SSH2: variants seen among roughly 807,000 people sequenced by gnomAD.
SSH2 encodes the protein protein phosphatase Slingshot homolog 2.
Under a neutral mutation model 135.2 loss-of-function variants are expected in SSH2, and 37 were observed. That is an observed-to-expected ratio of 0.27 (90% confidence interval 0.21 to 0.36). SSH2 has a LOEUF of 0.36. Ranked by LOEUF, SSH2 falls within the 10% of genes least tolerant of loss-of-function variation. The pLI, the probability that SSH2 is intolerant of heterozygous loss-of-function variation, is 1.00. For synonymous variants in SSH2, 628 were observed against 646.2 expected, an observed-to-expected ratio of 0.97 and a Z score of 0.43; for missense variants, 1,408 against 1,765.3, an observed-to-expected ratio of 0.80 and a Z score of 3.63.
rs1161276141 is a variant in SSH2, at chr17:29,632,832, G to T, written c.2362C>A (p.Gln788Lys). ...EIVTEIESIS[Q>K]GVGQIQLKGD... ...TTCAGTTGAATCTGCCCAACTCCTT[G>T]ACTGATGGACTCAATTTCAGTGACA... Residue 788 changes from glutamine (Q) to lysine (K), a missense_variant, in exon 16 of 16, where the codon CAA becomes AAA. Coordinates refer to ENST00000540801, the MANE Select transcript of SSH2 (RefSeq NM_001282129.2). 6.2e-7 allele frequency: 1 copy of T among 1,614,090 alleles called. No homozygotes were observed. Among genetic ancestry groups the T allele is most frequent in the Non-Finnish European group, 8.5e-7 (1 of 1,180,050 alleles).
chr17:29,712,530 G>A (rs751887916), intron 3 of SSH2, among the ~76,000 whole-genome samples: 3 of 152,172 alleles, frequency 2.0e-5, no homozygotes, highest in African/African-American at 7.2e-5. Flanking sequence ...CTGGCTGAGC[G>A]CGGTGGCTCA....
chr17:29,872,679 G>C (rs2065958179), intron 1 of SSH2, among the ~76,000 whole-genome samples: 2 of 152,176 alleles, frequency 1.3e-5, no homozygotes, highest in Admixed American at 6.5e-5. Context: ...AGGGCTTATA[G>C]GTGGATATTC....
intron 1 of SSH2, among the ~76,000 whole-genome samples, chr17:29,924,182 T>TC (rs1491292674): frequency 6.6e-6 from 1 of 152,208 alleles, no homozygotes; most frequent in Non-Finnish European, 1.5e-5. Flanking sequence ...ACTTTTTTTT[T>TC]CTCTGTCACT....
chr17:29,920,081 T>C (rs1238896689), intron 1 of SSH2, among the ~76,000 whole-genome samples: 1 of 152,070 alleles, frequency 6.6e-6, no homozygotes, highest in Non-Finnish European at 1.5e-5. Context: ...TAATTTTGTA[T>C]TGTTAGTAGA....
intron 1 of SSH2, among the ~76,000 whole-genome samples, chr17:29,875,079 T>C (rs751117920): frequency 5.1e-4 from 77 of 152,156 alleles, no homozygotes; most frequent in Non-Finnish European, 1.2e-4. Flanking sequence ...AGTCAAACCA[T>C]GGTAAGCTGG....
At chr17:29,929,197 G>T (rs1245379449) in intron 1 of SSH2, 1 of 152,162 alleles carries the variant, frequency 6.6e-6, no homozygotes, top group Non-Finnish European at 1.5e-5. Context: ...GAGGTAACGA[G>T]CCATACAAAC....
intron 1 of SSH2, among the ~76,000 whole-genome samples, chr17:29,911,030 A>C (rs1035602033): frequency 1.3e-5 from 2 of 152,144 alleles, no homozygotes; most frequent in African/African-American, 4.8e-5. Flanking sequence ...ATCATCATTG[A>C]TCCATGCTGT....
intron 2 of SSH2, among the ~76,000 whole-genome samples, chr17:29,795,491 G>A (rs2042141099): frequency 6.6e-6 from 1 of 152,046 alleles, no homozygotes; most frequent in Non-Finnish European, 1.5e-5. Context: ...AGGTTAGAAA[G>A]GTATGCCCTT....
At chr17:29,741,609 TC>T (rs907010332) in intron 3 of SSH2, among the ~76,000 whole-genome samples, 1 of 101,900 alleles carries the variant, frequency 9.8e-6, no homozygotes, top group African/African-American at 4.5e-5. Flanking sequence ...ACAATCCCCC[TC>T]CTTTTTTTTT....
intron 5 of SSH2, among the ~76,000 whole-genome samples, chr17:29,686,654 C>A (rs2038235964): frequency 6.6e-6 from 1 of 151,250 alleles, no homozygotes; most frequent in Non-Finnish European, 1.5e-5. Context: ...CATGCACGGG[C>A]CACTGCACCC....
At chr17:29,758,713 C>A (rs1004556092) in intron 3 of SSH2, among the ~76,000 whole-genome samples, 1 of 152,128 alleles carries the variant, frequency 6.6e-6, no homozygotes, top group Non-Finnish European at 1.5e-5. Flanking sequence ...CCTTTCCCCC[C>A]AAAAAGCTTA....
At position 29,695,521 on chromosome 17, in the gene SSH2, C is replaced by T. The variant is rs781606574; in HGVS notation, c.295G>A (p.Asp99Asn). The change falls in exon 5 of 16, where the codon GAT becomes AAT. Residue 99 changes from aspartate (D) to asparagine (N), a missense_variant and splice_region_variant. Around this residue, in one of 3 missense-constraint regions of SSH2, gnomAD observed 222 missense variants for 355.6 expected, o/e 0.62. Transcript: ENST00000540801. ...ISHRRNKHAGDLQQHLQAMFI... is the reference protein window; with the variant it reads ...ISHRRNKHAGNLQQHLQAMFI... ...ATTGCTTGGAGATGCTGTTGGAGAT[C>T]GCCTGGTGAAATTTACAAACCAAAG... 2.1e-5 allele frequency: 34 copies of T among 1,608,418 alleles called. No individual in the cohort carries two copies. Among genetic ancestry groups the T allele is most frequent in the South Asian group, 7.8e-5 (7 of 90,322 alleles).
rs1429739888 is a variant in SSH2, at chr17:29,913,347, A to ATATATAT, written c.63+16590_63+16591insATATATA. Among the ~76,000 whole-genome samples, 19 of 28,784 alleles carry ATATATAT rather than the reference A, an allele frequency of 6.6e-4. 1 individual carries two copies. The highest frequency in any genetic ancestry group is 1.0e-3 in the Non-Finnish European group (17 of 16,992). 18.9% of individuals were successfully genotyped at this position (28,784 alleles called of 152,430 possible). ...AAAAAAAAAAAAAAAAAAAAAAAAA[A>ATATATAT]ATATATATATATATATATATATATA... is the stretch of plus-strand genomic sequence containing the variant. On this transcript the variant is annotated intron_variant, in intron 1 of 15. Transcript: ENST00000540801.
intron 1 of SSH2, chr17:29,929,134 C>G (rs1337959256): frequency 6.6e-6 from 1 of 152,034 alleles, no homozygotes; most frequent in African/African-American, 2.4e-5. Context: ...CGGGGAAAGG[C>G]TGGTTACTGG....
At chr17:29,763,990 C>A (rs1261572129) in intron 3 of SSH2, among the ~76,000 whole-genome samples, 9 of 151,260 alleles carry the variant, frequency 6.0e-5, no homozygotes, top group Admixed American at 5.3e-4. Flanking sequence ...ACTCTTGTTG[C>A]CCACGCTGGA....
chr17:29,716,655 G>C (rs893905121), intron 3 of SSH2: 1 of 651,542 alleles, frequency 1.5e-6, no homozygotes, highest in African/African-American at 1.8e-5. Context: ...AACATATATC[G>C]GGTGCCTCTC....
intron 14 of SSH2, among the ~76,000 whole-genome samples, chr17:29,647,193 C>A (rs551368214): frequency 2.0e-5 from 3 of 150,198 alleles, no homozygotes; most frequent in Admixed American, 1.3e-4. Context: ...ACCTGGGAGG[C>A]GGAGATTGCT....
chr17:29,728,000 G>A (rs2040057161), intron 3 of SSH2, among the ~76,000 whole-genome samples: 1 of 152,150 alleles, frequency 6.6e-6, no homozygotes, highest in Non-Finnish European at 1.5e-5. Flanking sequence ...GGCCAACATG[G>A]CGAAACCCCT....
At chr17:29,806,191 A>C (rs977194355) in intron 2 of SSH2, among the ~76,000 whole-genome samples, 5 of 152,220 alleles carry the variant, frequency 3.3e-5, no homozygotes, top group Non-Finnish European at 4.4e-5. Context: ...TGTTTGCCAG[A>C]ACCAGAAAAG....
Sources: allele counts gnomAD v4.1 joint callset (sites outside exome capture counted in the v4.1 genomes callset), GRCh38; gene constraint gnomAD v4.1.1; regional missense constraint gnomAD v4.1.1; transcripts MANE v1.5; gene names NCBI Gene and HGNC (gene_info 2026-07-23, HGNC 2026-07-21).